CDH1: variants seen among roughly 807,000 people sequenced by gnomAD.
CDH1 encodes cadherin 1, also known as cadherin-1.
Under a neutral mutation model 84.5 loss-of-function variants are expected in CDH1, and 35 were observed. The observed-to-expected ratio is 0.41, with a 90% CI of 0.32 to 0.55. The LOEUF (loss-of-function observed/expected upper bound fraction) is 0.55. Ranked by LOEUF, CDH1 falls within the 20% of genes least tolerant of loss-of-function variation. The pLI, the probability that CDH1 is intolerant of heterozygous loss-of-function variation, is 0.19. For missense variants in CDH1, 994 were observed against 1,126.6 expected, an observed-to-expected ratio of 0.88 and a Z score of 1.68; for synonymous variants, 417 against 439.0, an observed-to-expected ratio of 0.95 and a Z score of 0.63.
intron 12 of CDH1, chr16:68,822,821 C>T: frequency 4.1e-6 from 1 of 243,584 alleles, no homozygotes; most frequent in Non-Finnish European, 8.1e-6. Flanking sequence ...CACTGTCTTC[C>T]CGGACATCCA....
intron 2 of CDH1, among the ~76,000 whole-genome samples, chr16:68,743,294 TC>T: frequency 1.6e-4 from 1 of 6,426 alleles, no homozygotes; most frequent in Non-Finnish European, 3.3e-4. Flanking sequence ...TTTCTTTCTT[TC>T]TTTCTTTCTT....
intron 15 of CDH1, 139 bp downstream of exon 15, chr16:68,829,936 CCTTTTT>C: frequency 1.2e-6 from 1 of 806,312 alleles, no homozygotes; most frequent in Non-Finnish European, 1.9e-6. Context: ...GCCCTGTTTT[CCTTTTT>C]CTTTTTTTTT....
At position 68,777,888 on chromosome 16, in the gene CDH1, C is replaced by T. The variant is rs374619547; in HGVS notation, c.164-23782C>T. ...CAGGGACTACAGGCGCACACCACCA[C>T]GCCCAGCTAACTTTTGTATTTTTAG... On this transcript the variant is annotated intron_variant, in intron 2 of 15. Transcript: ENST00000261769. 2.5e-4 allele frequency among the ~76,000 whole-genome samples: 38 copies of T among 151,894 alleles called. 1 individual carries two copies. Among genetic ancestry groups the T allele is most frequent in the African/African-American group, 8.0e-4 (33 of 41,444 alleles).
Position 68,833,691 on chromosome 16 carries a change from C to T in CDH1, c.*192C>T, listed in dbSNP as rs576309125. 27 of 584,340 alleles carry T rather than the reference C, an allele frequency of 4.6e-5. No individual in the cohort carries two copies. Among genetic ancestry groups the T allele is most frequent in the South Asian group, 1.0e-4 (5 of 50,058 alleles). 36.2% of individuals were successfully genotyped at this position (584,340 alleles called of 1,614,324 possible). A position where few individuals can be genotyped will look rare whatever the true frequency, so the allele number is the denominator to read the frequency against. ...TAATAAGTTTGTGTTAGAAAAGTTT[C>T]GACTTATTTCTTAAAGCTTTTTTTT... On this transcript the variant is annotated 3_prime_UTR_variant, in exon 16 of 16. Coordinates refer to ENST00000261769, the MANE Select transcript of CDH1 (RefSeq NM_004360.5).
intron 3 of CDH1, among the ~76,000 whole-genome samples, chr16:68,804,247 G>C (rs1406734688): frequency 2.0e-5 from 3 of 151,270 alleles, no homozygotes; most frequent in Non-Finnish European, 4.4e-5. Context: ...CTGAGTAGCT[G>C]AGACTACAGG....
intron 2 of CDH1, among the ~76,000 whole-genome samples, chr16:68,743,323 C>A (rs923801757): frequency 1.8e-4 from 4 of 22,840 alleles, no homozygotes; most frequent in African/African-American, 4.8e-4. Flanking sequence ...TTCTTTCTTT[C>A]TTTCTTTCTT....
chr16:68,753,408 G>A lies in CDH1; in HGVS notation c.163+14997G>A, dbSNP rs368114897. On this transcript the variant is annotated intron_variant, in intron 2 of 15. Coordinates refer to ENST00000261769, the MANE Select transcript of CDH1 (RefSeq NM_004360.5). ...GTCACCCAGGCTGGAGGGCAGTGGT[G>A]CAATCTTGGCTCACTGCAACCTCTG... Among the ~76,000 whole-genome samples, 22 of 151,628 alleles carry A rather than the reference G, an allele frequency of 1.5e-4. 1 individual carries two copies. The East Asian group carries it at 2.8e-3, about 19-fold the overall frequency.
chr16:68,809,875 T>C (rs1484582222), intron 5 of CDH1, among the ~76,000 whole-genome samples: 1 of 152,138 alleles, frequency 6.6e-6, no homozygotes, highest in Admixed American at 6.5e-5. Flanking sequence ...AATGCTAGAC[T>C]AAAAGGACCA....
chr16:68,799,547 C>A (rs1270925400), intron 2 of CDH1, among the ~76,000 whole-genome samples: 2 of 152,030 alleles, frequency 1.3e-5, no homozygotes, highest in Non-Finnish European at 2.9e-5. Flanking sequence ...CTATAATTTC[C>A]TATAATCAGC....
chr16:68,738,936 C>CA (rs1962480843), intron 2 of CDH1, among the ~76,000 whole-genome samples: 1 of 11,434 alleles, frequency 8.7e-5, no homozygotes, highest in Admixed American at 9.7e-4. Context: ...GATATAAAAG[C>CA]TTTTTTTTTT....
chr16:68,831,200 T>C (rs1432869200), intron 15 of CDH1, among the ~76,000 whole-genome samples: 2 of 146,118 alleles, frequency 1.4e-5, no homozygotes, highest in Non-Finnish European at 1.5e-5. Context: ...TGGCTCAGCC[T>C]CCCGAGTAGC....
At position 68,811,747 on chromosome 16, in the gene CDH1, C is replaced by G. The variant is rs745807727; in HGVS notation, c.896C>G (p.Ala299Gly). 4.3e-6 allele frequency: 7 copies of G among 1,613,978 alleles called. No individual in the cohort carries two copies. Among genetic ancestry groups the G allele is most frequent in the Non-Finnish European group, 5.9e-6 (7 of 1,180,014 alleles). Reference sequence around the variant, plus strand: ...GATGATGTGAACACCTACAATGCCGCCATCGCTTACACCATCCTCAGCCAA... The same window carrying G: ...GATGATGTGAACACCTACAATGCCGGCATCGCTTACACCATCCTCAGCCAA... ...ADDDVNTYNA[A>G]IAYTILSQDP... The change falls in exon 7 of 16, where the codon GCC (alanine) becomes GGC (glycine). Residue 299 changes from alanine to glycine, a missense_variant. Ala to Gly is a moderately conservative substitution (Grantham distance 60). Around this residue, in one of 3 missense-constraint regions of CDH1, gnomAD observed 769 missense variants for 881.8 expected, o/e 0.87. Coordinates refer to ENST00000261769, the MANE Select transcript of CDH1 (RefSeq NM_004360.5).
intron 2 of CDH1, among the ~76,000 whole-genome samples, chr16:68,759,546 A>G (rs896930062): frequency 6.1e-5 from 9 of 148,382 alleles, no homozygotes; most frequent in African/African-American, 2.2e-4. Flanking sequence ...CTGGAGTGCA[A>G]TGGTGCGATC....
At chr16:68,802,001 G>C (rs1960530988) in intron 3 of CDH1, 108 bp downstream of exon 3, 1 of 925,858 alleles carries the variant, frequency 1.1e-6, no homozygotes, top group African/African-American at 1.6e-5. Flanking sequence ...ATTTTGTGTT[G>C]TAGGGGTTGT....
At position 68,828,162 on chromosome 16, in the gene CDH1, C is replaced by G. The variant is rs760834250; in HGVS notation, c.2165-12C>G. 6 of 1,613,582 alleles carry G rather than the reference C, an allele frequency of 3.7e-6. No individual in the cohort carries two copies. In the South Asian group the frequency reaches 6.6e-5, roughly 18 times the overall value. On this transcript the variant is annotated splice_polypyrimidine_tract_variant and intron_variant, in intron 13 of 15. Coordinates refer to ENST00000261769, the MANE Select transcript of CDH1 (RefSeq NM_004360.5). ...GCTCTCAACACTTGCTCTGTCTCCC[C>G]CACCATCCCAGTTCTGATTCTGCTG...
intron 10 of CDH1, among the ~76,000 whole-genome samples, chr16:68,818,471 C>A (rs1198687912): frequency 6.7e-6 from 1 of 150,080 alleles, no homozygotes; most frequent in Non-Finnish European, 1.5e-5. Context: ...GTGAAGAGTT[C>A]ATGGATGGTC....
intron 2 of CDH1, among the ~76,000 whole-genome samples, chr16:68,797,009 C>CA (rs1196469450): frequency 2.6e-5 from 4 of 151,958 alleles, no homozygotes; most frequent in African/African-American, 9.7e-5. Flanking sequence ...TGCTGAAATA[C>CA]AAAAAATACA....
intron 2 of CDH1, among the ~76,000 whole-genome samples, chr16:68,783,403 A>T (rs1959939842): frequency 7.4e-6 from 1 of 135,972 alleles, no homozygotes; most frequent in South Asian, 2.3e-4. Context: ...AAAAAAAAAA[A>T]AGAAAAAAGA....
Position 68,835,512 on chromosome 16 carries a change from A to C in CDH1, c.*2013A>C, listed in dbSNP as rs2152145093. ...AGTATTCTCAAAGATGCATTTTTATAAATTTTATTAAACAATTTTGTTAAA... is the reference window on the plus strand; with the variant it reads ...AGTATTCTCAAAGATGCATTTTTATCAATTTTATTAAACAATTTTGTTAAA... On this transcript the variant is annotated 3_prime_UTR_variant, in exon 16 of 16. Coordinates refer to ENST00000261769, the MANE Select transcript of CDH1 (RefSeq NM_004360.5). The C allele has an allele frequency of 5.1e-6, 1 of 194,974 alleles. No individual in the cohort carries two copies. The highest frequency in any genetic ancestry group is 8.1e-5 in the East Asian group (1 of 12,418). The allele number at this position is 194,974 out of a possible 1,614,324, so 12.1% of individuals were successfully genotyped here. A position where few individuals can be genotyped will look rare whatever the true frequency, so the allele number is the denominator to read the frequency against.
Sources: gnomAD v4.1 joint callset for allele counts (sites outside exome capture counted in the v4.1 genomes callset) on GRCh38, gnomAD v4.1.1 for gene constraint, gnomAD v4.1.1 regional missense constraint, MANE v1.5 for transcripts, NCBI Gene and HGNC (gene_info 2026-07-23, HGNC 2026-07-21) for gene names.